The following DPP10 variants were observed in gnomAD, a reference collection of about 807,000 sequenced individuals.
The protein encoded by DPP10 is inactive dipeptidyl peptidase 10.
Under a neutral mutation model 120.9 loss-of-function variants are expected in DPP10, and 33 were observed. That is an observed-to-expected ratio of 0.27 (90% CI 0.21 to 0.37). The LOEUF is 0.37. Among genes scored for constraint, DPP10 ranks in the 10% least tolerant of loss-of-function variants. DPP10 has a pLI of 1.00. For missense variants in DPP10, 816 were observed against 942.8 expected, an observed-to-expected ratio of 0.87 and a Z score of 1.76; for synonymous variants, 337 against 326.1, an observed-to-expected ratio of 1.03 and a Z score of -0.36.
intron 1 of DPP10, among the ~76,000 whole-genome samples, chr2:114,747,833 C>CT (rs1462776551): frequency 6.6e-6 from 1 of 151,948 alleles, no homozygotes; most frequent in Non-Finnish European, 1.5e-5. Context: ...TTCTAGGGAA[C>CT]TTTTTTTTCT....
intron 2 of DPP10, among the ~76,000 whole-genome samples, chr2:115,326,757 G>C (rs560757483): frequency 6.6e-6 from 1 of 151,984 alleles, no homozygotes; most frequent in East Asian, 1.9e-4. Context: ...ATGCAATAAG[G>C]ACATAAAGAA....
chr2:114,671,829 T>G (rs1447998897), intron 1 of DPP10, among the ~76,000 whole-genome samples: 1 of 152,090 alleles, frequency 6.6e-6, no homozygotes, highest in Non-Finnish European at 1.5e-5. Context: ...TTTCTGTTAT[T>G]TAAAAAAAAT....
intron 1 of DPP10, among the ~76,000 whole-genome samples, chr2:114,572,183 C>T (rs986662437): frequency 6.6e-6 from 1 of 151,918 alleles, no homozygotes; most frequent in African/African-American, 2.4e-5. Flanking sequence ...AAAATAACAT[C>T]ATCTTTTGTA....
At chr2:114,785,309 T>C (rs1312030237) in intron 1 of DPP10, among the ~76,000 whole-genome samples, 1 of 151,954 alleles carries the variant, frequency 6.6e-6, no homozygotes, top group African/African-American at 2.4e-5. Context: ...AGGTGAGAAG[T>C]GGCTGTTTCT....
At chr2:115,584,664 T>A (rs2082183037) in intron 5 of DPP10, among the ~76,000 whole-genome samples, 1 of 152,242 alleles carries the variant, frequency 6.6e-6, no homozygotes, top group Admixed American at 6.5e-5. Flanking sequence ...CATTTGATGC[T>A]GTGTGGTGAC....
intron 1 of DPP10, among the ~76,000 whole-genome samples, chr2:115,218,067 CAG>C (rs1201235143): frequency 6.6e-6 from 1 of 152,102 alleles, no homozygotes; most frequent in Non-Finnish European, 1.5e-5. Flanking sequence ...AATGTTTTGC[CAG>C]AGAGTTCTTA....
intron 1 of DPP10, among the ~76,000 whole-genome samples, chr2:114,545,795 T>C (rs560593434): frequency 1.5e-4 from 23 of 152,356 alleles, no homozygotes; most frequent in Non-Finnish European, 2.5e-4. Flanking sequence ...GCGATAGTTT[T>C]GGTTTTACCT....
chr2:115,395,239 C>G (rs911604423), intron 3 of DPP10, among the ~76,000 whole-genome samples: 7 of 152,302 alleles, frequency 4.6e-5, no homozygotes, highest in Admixed American at 3.3e-4. Context: ...TCCCCATGGT[C>G]CTGCCTCCGT....
chr2:115,211,939 C>T (rs1454204662), intron 1 of DPP10, among the ~76,000 whole-genome samples: 2 of 152,100 alleles, frequency 1.3e-5, no homozygotes, highest in South Asian at 4.1e-4. Flanking sequence ...TGTTTAGCTC[C>T]TTATGCAAAA....
chr2:115,035,668 A>G (rs1248474023), intron 1 of DPP10, among the ~76,000 whole-genome samples: 1 of 152,118 alleles, frequency 6.6e-6, no homozygotes, highest in Non-Finnish European at 1.5e-5. Flanking sequence ...TTACATTTAT[A>G]CCCCAAATAT....
intron 1 of DPP10, among the ~76,000 whole-genome samples, chr2:114,453,336 A>T (rs1450612676): frequency 6.6e-6 from 1 of 152,126 alleles, no homozygotes; most frequent in East Asian, 1.9e-4. Context: ...AGGTAGAAAG[A>T]AGTCTCGTCT....
intron 1 of DPP10, among the ~76,000 whole-genome samples, chr2:114,947,992 A>G (rs1204293414): frequency 6.6e-6 from 1 of 152,074 alleles, no homozygotes; most frequent in East Asian, 1.9e-4. Context: ...TTAGTTTTAA[A>G]AAATTATTGG....
At chr2:115,523,416 A>C (rs1256128971) in intron 4 of DPP10, among the ~76,000 whole-genome samples, 1 of 151,062 alleles carries the variant, frequency 6.6e-6, no homozygotes, top group Non-Finnish European at 1.5e-5. Context: ...AAAAAAAAAA[A>C]AAAAAACCCT....
chr2:115,642,337 G>T (rs1558967752), intron 5 of DPP10, among the ~76,000 whole-genome samples: 1 of 152,090 alleles, frequency 6.6e-6, no homozygotes, highest in Non-Finnish European at 1.5e-5. Context: ...AGTGGACTTT[G>T]AATAAAGAAG....
chr2:115,725,773 C>G (rs2149630179), intron 7 of DPP10, among the ~76,000 whole-genome samples: 1 of 152,268 alleles, frequency 6.6e-6, no homozygotes, highest in Non-Finnish European at 1.5e-5. Context: ...ACAAGTCCCA[C>G]TAGAAGTTTC....
At chr2:115,120,988 T>C (rs1461894284) in intron 1 of DPP10, among the ~76,000 whole-genome samples, 1 of 152,250 alleles carries the variant, frequency 6.6e-6, no homozygotes, top group Non-Finnish European at 1.5e-5. Flanking sequence ...ATTATCTGAA[T>C]ACTTTAGAAG....
intron 13 of DPP10, among the ~76,000 whole-genome samples, chr2:115,773,165 T>C (rs1282077470): frequency 1.3e-5 from 2 of 152,140 alleles, no homozygotes; most frequent in African/African-American, 2.4e-5. Context: ...GGTGAATAGA[T>C]GGCAAATTAA....
intron 1 of DPP10, among the ~76,000 whole-genome samples, chr2:114,470,698 T>A (rs1161576676): frequency 6.6e-6 from 1 of 152,258 alleles, no homozygotes; most frequent in African/African-American, 2.4e-5. Context: ...GTATGTGCTA[T>A]CTTTTCTTTC....
intron 1 of DPP10, among the ~76,000 whole-genome samples, chr2:115,114,796 C>A (rs981136757): frequency 5.3e-5 from 8 of 152,120 alleles, no homozygotes; most frequent in Non-Finnish European, 1.2e-4. Flanking sequence ...TTTTCGCCTG[C>A]CTCTATTCTG....
Sources: allele counts gnomAD v4.1 joint callset (sites outside exome capture counted in the v4.1 genomes callset), GRCh38; gene constraint gnomAD v4.1.1; transcripts MANE v1.5; gene names NCBI Gene and HGNC (gene_info 2026-07-23, HGNC 2026-07-21).